The following ASTN2 variants were observed in gnomAD, a reference collection of about 807,000 sequenced individuals.
ASTN2 encodes the protein astrotactin-2.
ASTN2 carries 54 observed loss-of-function variants against 139.8 expected under a neutral mutation model. The observed-to-expected ratio is 0.39, with a 90% CI of 0.31 to 0.48. ASTN2 has a LOEUF of 0.48. ASTN2 is among the 20% of genes least tolerant of loss of function. ASTN2 has a pLI of 0.95. For missense variants in ASTN2, 1,565 were observed against 1,725.1 expected, an observed-to-expected ratio of 0.91 and a Z score of 1.64; for synonymous variants, 756 against 719.5, an observed-to-expected ratio of 1.05 and a Z score of -0.81.
chr9:116,901,259 T>C (rs1289612731), intron 10 of ASTN2, among the ~76,000 whole-genome samples: 1 of 152,158 alleles, frequency 6.6e-6, no homozygotes, highest in Non-Finnish European at 1.5e-5. Flanking sequence ...GTGCAGTGGC[T>C]TACACCCATA....
intron 5 of ASTN2, among the ~76,000 whole-genome samples, chr9:117,048,963 C>CTTTTTTTTTTT (rs372277811): frequency 0.02 from 1,786 of 88,888 alleles, 313 homozygotes; most frequent in Middle Eastern, 0.042. Context: ...TCATCCATTG[C>CTTTTTTTTTTT]TTTTTTTTTT....
chr9:116,438,341 C>T (rs1463336616), intron 22 of ASTN2, among the ~76,000 whole-genome samples: 1 of 152,166 alleles, frequency 6.6e-6, no homozygotes, highest in Non-Finnish European at 1.5e-5. Context: ...CTTACCATTA[C>T]CCTAAGGAGA....
intron 19 of ASTN2, among the ~76,000 whole-genome samples, chr9:116,506,227 G>A (rs894422826): frequency 6.6e-6 from 1 of 152,158 alleles, no homozygotes; most frequent in African/African-American, 2.4e-5. Context: ...CTGAGAGGCT[G>A]GCAAGGCTGG....
intron 1 of ASTN2, among the ~76,000 whole-genome samples, chr9:117,391,144 C>G (rs1210313212): frequency 6.6e-6 from 1 of 152,040 alleles, no homozygotes; most frequent in Non-Finnish European, 1.5e-5. Flanking sequence ...TCTGAGGGGC[C>G]AACTGTAAGG....
chr9:116,722,811 G>C (rs1012718170), intron 16 of ASTN2, among the ~76,000 whole-genome samples: 1 of 152,070 alleles, frequency 6.6e-6, no homozygotes, highest in African/African-American at 2.4e-5. Context: ...CCTTCACTAA[G>C]AGTTAAAATG....
intron 16 of ASTN2, among the ~76,000 whole-genome samples, chr9:116,694,194 C>A (rs1438578461): frequency 6.6e-6 from 1 of 152,102 alleles, no homozygotes; most frequent in Non-Finnish European, 1.5e-5. Context: ...AGGTAGGAAG[C>A]TTTTCAATTG....
At position 116,590,714 on chromosome 9, in the gene ASTN2, C is replaced by G. The variant is rs1328163990; in HGVS notation, c.3355+27610G>C. The stretch of plus-strand genomic sequence containing the variant: ...TGACCATGGACACCTATGGACAAAT[C>G]AGTATACAGTTCCTCCTCCCTGAAG... On this transcript the variant is annotated intron_variant, in intron 19 of 22. Transcript: ENST00000313400. Among the ~76,000 whole-genome samples, 3 of 152,148 alleles carry G rather than the reference C, an allele frequency of 2.0e-5. No homozygotes were observed. The East Asian group carries it at 5.8e-4, about 29-fold the overall frequency.
intron 1 of ASTN2, among the ~76,000 whole-genome samples, chr9:117,374,696 G>A (rs1057413270): frequency 1.2e-4 from 19 of 152,192 alleles, no homozygotes; most frequent in African/African-American, 4.6e-4. Context: ...AATGCAGCAG[G>A]ACTGGGAGAG....
chr9:116,530,110 T>C (rs1217779521), intron 19 of ASTN2, among the ~76,000 whole-genome samples: 2 of 31,904 alleles, frequency 6.3e-5, no homozygotes, highest in Non-Finnish European at 1.2e-4. Context: ...TATATATATA[T>C]ATATATATAT....
intron 10 of ASTN2, among the ~76,000 whole-genome samples, chr9:116,928,987 T>C (rs1354023537): frequency 1.3e-5 from 2 of 152,156 alleles, no homozygotes; most frequent in Non-Finnish European, 2.9e-5. Context: ...AGAATCAAAA[T>C]AAGAATCCAG....
chr9:116,532,358 T>C (rs1454474388), intron 19 of ASTN2, among the ~76,000 whole-genome samples: 1 of 152,234 alleles, frequency 6.6e-6, no homozygotes, highest in African/African-American at 2.4e-5. Flanking sequence ...AGAAGCTCTT[T>C]GGTTTAATTA....
At chr9:116,764,259 C>T (rs4837838) in intron 13 of ASTN2, among the ~76,000 whole-genome samples, 11,814 of 152,258 alleles carry the variant, frequency 0.078, 565 homozygotes, top group Non-Finnish European at 0.1. Flanking sequence ...CTCGGCCTCA[C>T]CTAAGGTCCT....
intron 20 of ASTN2, among the ~76,000 whole-genome samples, chr9:116,486,278 TCAG>T (rs1489728045): frequency 3.3e-5 from 5 of 152,180 alleles, no homozygotes; most frequent in Admixed American, 2.0e-4. Context: ...CAAGAAATAC[TCAG>T]CAAATGTCTA....
chr9:117,249,026 G>A (rs1833463876), intron 2 of ASTN2, among the ~76,000 whole-genome samples: 1 of 152,190 alleles, frequency 6.6e-6, no homozygotes, highest in African/African-American at 2.4e-5. Flanking sequence ...TTTGGCATGT[G>A]ACAAGTCTTG....
Position 117,381,159 on chromosome 9 carries a change from C to T in ASTN2, c.442+33338G>A, listed in dbSNP as rs540550519. On this transcript the variant is annotated intron_variant, in intron 1 of 22. Coordinates refer to ENST00000313400, the MANE Select transcript of ASTN2 (RefSeq NM_001365068.1). ...CAAAAGACCACATATTGTATGATTT[C>T]ACTTATATGAAATGTCCAGAATAGG... Among the ~76,000 whole-genome samples the T allele has an allele frequency of 1.1e-3, 166 of 152,220 alleles. 1 individual carries two copies. The highest frequency in any genetic ancestry group is 3.5e-3 in the African/African-American group (147 of 41,534).
intron 2 of ASTN2, among the ~76,000 whole-genome samples, chr9:117,225,509 T>C (rs1023296): frequency 0.49 from 60,035 of 123,244 alleles, 15,001 homozygotes; most frequent in Middle Eastern, 0.58. Context: ...GGTTAGGAGT[T>C]CAAGACCAGC....
At chr9:116,495,912 T>C (rs534676154) in intron 19 of ASTN2, among the ~76,000 whole-genome samples, 1 of 152,268 alleles carries the variant, frequency 6.6e-6, no homozygotes, top group Non-Finnish European at 1.5e-5. Context: ...CACTCACGCA[T>C]TCCAGCCATG....
intron 1 of ASTN2, among the ~76,000 whole-genome samples, chr9:117,399,402 T>G (rs1830763903): frequency 6.6e-6 from 1 of 152,168 alleles, no homozygotes; most frequent in Non-Finnish European, 1.5e-5. Context: ...TAATCTGACA[T>G]TTAAGTGAGC....
At chr9:117,251,851 A>G (rs913270962) in intron 2 of ASTN2, among the ~76,000 whole-genome samples, 9 of 152,186 alleles carry the variant, frequency 5.9e-5, no homozygotes, top group African/African-American at 1.9e-4. Context: ...AGGGATGGAG[A>G]AGAGAGTCTT....
Sources: allele counts gnomAD v4.1 joint callset (sites outside exome capture counted in the v4.1 genomes callset), GRCh38; gene constraint gnomAD v4.1.1; transcripts MANE v1.5; gene names NCBI Gene and HGNC (gene_info 2026-07-23, HGNC 2026-07-21).